The following ECT2L variants were observed in gnomAD, a reference collection of about 807,000 sequenced individuals.
The protein encoded by ECT2L is epithelial cell-transforming sequence 2 oncogene-like.
ECT2L carries 126 observed loss-of-function variants against 122.8 expected under a neutral mutation model. That is an observed-to-expected ratio of 1.03 (90% CI 0.89 to 1.19). The LOEUF (loss-of-function observed/expected upper bound fraction) is 1.19. ECT2L is among the 50% of genes most tolerant of loss of function. ECT2L has a pLI of 0.00. For synonymous variants in ECT2L, 385 were observed against 381.8 expected, an observed-to-expected ratio of 1.01 and a Z score of -0.10; for missense variants, 1,012 against 1,064.1, an observed-to-expected ratio of 0.95 and a Z score of 0.68.
intron 9 of ECT2L, among the ~76,000 whole-genome samples, chr6:138,849,920 C>T (rs1937687824): frequency 6.9e-6 from 1 of 144,758 alleles, no homozygotes; most frequent in East Asian, 2.1e-4. Context: ...ACTGTCTTAA[C>T]CATTTTGAAG....
chr6:138,883,092 T>A (rs1778698719), intron 16 of ECT2L, among the ~76,000 whole-genome samples: 1 of 152,168 alleles, frequency 6.6e-6, no homozygotes, highest in African/African-American at 2.4e-5. Flanking sequence ...ACTGAACTCA[T>A]CCTCATGCAA....
intron 12 of ECT2L, among the ~76,000 whole-genome samples, chr6:138,867,155 G>A (rs913824583): frequency 1.3e-5 from 2 of 152,156 alleles, no homozygotes; most frequent in Non-Finnish European, 2.9e-5. Context: ...AGGAACTCCT[G>A]GTAGGATCGA....
intron 20 of ECT2L, among the ~76,000 whole-genome samples, chr6:138,895,092 C>T (rs537957197): frequency 1.3e-5 from 2 of 152,018 alleles, no homozygotes; most frequent in African/African-American, 2.4e-5. Flanking sequence ...GACCCCGTCT[C>T]TACAGGGGAA....
At chr6:138,808,458 G>A (rs904890236) in intron 1 of ECT2L, among the ~76,000 whole-genome samples, 3 of 151,774 alleles carry the variant, frequency 2.0e-5, no homozygotes, top group Admixed American at 6.6e-5. Flanking sequence ...TATGTTGCAC[G>A]GGCTAGTCTC....
In ECT2L at chr6:138,825,019, G is replaced by A. The variant is rs562425356; in HGVS notation, c.179+10416G>A. ...GCGTCATTTCCCATGATCCAAGGCC[G>A]GCCTGGCCAGCCTGACATAACAAAG... On this transcript the variant is annotated intron_variant, in intron 4 of 21. Transcript: ENST00000541398. 3.3e-5 allele frequency among the ~76,000 whole-genome samples: 5 copies of A among 152,284 alleles called. No homozygotes were observed. In the South Asian group the frequency reaches 6.2e-4, roughly 19 times the overall value.
At chr6:138,889,248 G>A (rs544204427) in intron 20 of ECT2L, among the ~76,000 whole-genome samples, 3 of 152,312 alleles carry the variant, frequency 2.0e-5, no homozygotes, top group African/African-American at 7.2e-5. Flanking sequence ...GATAGAATGG[G>A]AGAAATAAAT....
At chr6:138,879,877 C>A (rs530758308) in intron 14 of ECT2L, among the ~76,000 whole-genome samples, 1 of 152,232 alleles carries the variant, frequency 6.6e-6, no homozygotes, top group Admixed American at 6.5e-5. Flanking sequence ...TGCTTGAACC[C>A]AGGAGGCGGA....
At chr6:138,853,159 G>A (rs763962109) in intron 9 of ECT2L, among the ~76,000 whole-genome samples, 5 of 151,994 alleles carry the variant, frequency 3.3e-5, no homozygotes, top group Admixed American at 6.6e-5. Context: ...GTAGAGATGG[G>A]GTTTCACCAT....
Position 138,865,097 on chromosome 6 carries a change from G to A in ECT2L, c.1393G>A (p.Glu465Lys). Residue 465 changes from glutamate (E) to lysine (K), a missense_variant, in exon 12 of 22, where the codon GAA becomes AAA. Physicochemically the swap from Glu to Lys is moderately conservative, Grantham distance 56. Coordinates refer to ENST00000541398, the MANE Select transcript of ECT2L (RefSeq NM_001077706.3). ...QTWSSFTDFL[E>K]ETLKTVRKQL... ...GTGGTCCAGCTTCACAGACTTCCTA[G>A]AAGAAACCTTGAAAACAGTAAGGAA... is the stretch of plus-strand genomic sequence containing the variant. 1 of 1,614,034 alleles carries A rather than the reference G, an allele frequency of 6.2e-7. No individual in the cohort carries two copies. Among genetic ancestry groups the A allele is most frequent in the Non-Finnish European group, 8.5e-7 (1 of 1,179,980 alleles).
intron 11 of ECT2L, 28 bp downstream of exon 11, chr6:138,862,747 G>T: frequency 6.9e-6 from 11 of 1,583,242 alleles, no homozygotes; most frequent in Non-Finnish European, 9.5e-6. Context: ...TGAGCGCCAC[G>T]TCCAATAACA....
At chr6:138,853,933 T>C in intron 9 of ECT2L, 93 bp from the exon 10 acceptor site, 1 of 1,433,946 alleles carries the variant, frequency 7.0e-7, no homozygotes, top group South Asian at 1.3e-5. Flanking sequence ...AGATGGCATT[T>C]TGATTTTGTG....
At chr6:138,872,478 C>A (rs1358329148) in intron 13 of ECT2L, among the ~76,000 whole-genome samples, 2 of 152,176 alleles carry the variant, frequency 1.3e-5, no homozygotes, top group Non-Finnish European at 2.9e-5. Context: ...GGTGGGAACG[C>A]CAGATGGGCA....
intron 13 of ECT2L, among the ~76,000 whole-genome samples, chr6:138,873,900 G>GTGTGTGTGTA (rs1554277038): frequency 1.3e-4 from 19 of 150,866 alleles, no homozygotes; most frequent in African/African-American, 4.6e-4. Context: ...GTGTGTGTGT[G>GTGTGTGTGTA]TGTGTGTGTG....
chr6:138,900,824 CA>C, intron 20 of ECT2L, 123 bp from the exon 21 acceptor site: 1 of 1,026,226 alleles, frequency 9.7e-7, no homozygotes, highest in African/African-American at 1.6e-5. Context: ...TTCAACCAGC[CA>C]TTCAAAATGT....
intron 7 of ECT2L, 103 bp downstream of exon 7, chr6:138,844,683 G>A: frequency 9.2e-7 from 1 of 1,089,482 alleles, no homozygotes; most frequent in Non-Finnish European, 1.3e-6. Context: ...GTAATTCTGT[G>A]GCTCATATCC....
chr6:138,878,304 T>TACACAC (rs772701195), intron 14 of ECT2L, among the ~76,000 whole-genome samples: 3 of 103,394 alleles, frequency 2.9e-5, no homozygotes, highest in African/African-American at 1.2e-4. Flanking sequence ...TACATATATA[T>TACACAC]ATACACACAC....
Position 138,902,680 on chromosome 6 carries a change from A to T in ECT2L, c.*53A>T, listed in dbSNP as rs1779445360. On this transcript the variant is annotated 3_prime_UTR_variant, in exon 22 of 22. Transcript: ENST00000541398. ...CAATTCTCCCCAGCAAAGACAGACA[A>T]CATGTATTTTCTGTTCCAAAATATC... 1.2e-6 allele frequency: 2 copies of T among 1,602,844 alleles called. No homozygotes were observed. The highest frequency in any genetic ancestry group is 4.5e-5 in the East Asian group (2 of 44,608).
chr6:138,819,882 A>G (rs1411351213), intron 4 of ECT2L, among the ~76,000 whole-genome samples: 3 of 151,564 alleles, frequency 2.0e-5, no homozygotes, highest in African/African-American at 2.4e-5. Flanking sequence ...GCAAGACTTC[A>G]TGTACCAAAA....
At chr6:138,804,693 C>T (rs1051469443) in intron 1 of ECT2L, among the ~76,000 whole-genome samples, 1 of 152,080 alleles carries the variant, frequency 6.6e-6, no homozygotes, top group Non-Finnish European at 1.5e-5. Context: ...TCTACTGAGT[C>T]CCCTAATCCA....
Sources: gnomAD v4.1 joint callset for allele counts (sites outside exome capture counted in the v4.1 genomes callset) on GRCh38, gnomAD v4.1.1 for gene constraint, MANE v1.5 for transcripts, NCBI Gene and HGNC (gene_info 2026-07-23, HGNC 2026-07-21) for gene names.